MAEL: variants seen among roughly 807,000 people sequenced by gnomAD.
MAEL encodes protein maelstrom homolog.
MAEL carries 46 observed loss-of-function variants against 62.0 expected under a neutral mutation model. The ratio of observed to expected loss-of-function variants is 0.74; its 90% CI spans 0.59 to 0.95. The LOEUF is 0.95. Ranked by LOEUF, MAEL falls within the 40% of genes least tolerant of loss-of-function variation. MAEL has a pLI of 0.00. For missense variants in MAEL, 497 were observed against 526.8 expected, an observed-to-expected ratio of 0.94 and a Z score of 0.55; for synonymous variants, 172 against 175.5, an observed-to-expected ratio of 0.98 and a Z score of 0.16.
At chr1:166,993,706 C>A (rs986608468) in intron 4 of MAEL, among the ~76,000 whole-genome samples, 1 of 152,160 alleles carries the variant, frequency 6.6e-6, no homozygotes, top group Non-Finnish European at 1.5e-5. Context: ...ATACACCTTG[C>A]TGTATCAATG....
chr1:167,020,865 T>A (rs67913138), intron 10 of MAEL, among the ~76,000 whole-genome samples: 60,420 of 150,506 alleles, frequency 0.4, 13,071 homozygotes, highest in African/African-American at 0.59. Flanking sequence ...ATCTCACTTT[T>A]AAAAAAAAAG....
Position 166,994,039 on chromosome 1 carries a change from C to T in MAEL, c.493C>T (p.Arg165Ter), listed in dbSNP as rs772863669. The change falls in exon 5 of 12, where the codon CGA becomes TGA. Residue 165 changes from arginine to a stop codon, truncating the protein, a stop_gained. Transcript: ENST00000367872. LOFTEE classifies it high-confidence loss of function. The part of the protein sequence containing the change: ...HSFINPGEIP[R>*]GFRFHCQAAS... Reference sequence around the variant, plus strand: ...ATTTTGTATTATAGGTGAAATTCCACGAGGATTTCGATTTCATTGTCAGGC... The same window carrying T: ...ATTTTGTATTATAGGTGAAATTCCATGAGGATTTCGATTTCATTGTCAGGC... The T allele has an allele frequency of 4.3e-6, 7 of 1,612,482 alleles. No individual in the cohort carries two copies. Among genetic ancestry groups the T allele is most frequent in the African/African-American group, 1.3e-5 (1 of 74,808 alleles).
At chr1:166,984,477 A>G (rs1233152400), upstream of MAEL, among the ~76,000 whole-genome samples, 1 of 152,242 alleles carries the variant, frequency 6.6e-6, no homozygotes, top group African/African-American at 2.4e-5. Context: ...CGATTTAGCC[A>G]TTCCACAACA....
chr1:167,005,628 CTGA>C (rs1384948143), intron 8 of MAEL: 1 of 352,314 alleles, frequency 2.8e-6, no homozygotes, highest in Non-Finnish European at 5.1e-6. Context: ...AATTTCTATA[CTGA>C]TGAGAGAATA....
At position 167,018,110 on chromosome 1, in the gene MAEL, C is replaced by A. The variant is rs537957313; in HGVS notation, c.1041+151C>A. 116 of 619,122 alleles carry A rather than the reference C, an allele frequency of 1.9e-4. No homozygotes were observed. In the African/African-American group the frequency reaches 2.1e-3, roughly 11 times the overall value. 38.4% of individuals were successfully genotyped at this position (619,122 alleles called of 1,614,324 possible). On this transcript the variant is annotated intron_variant, in intron 10 of 11. Coordinates refer to ENST00000367872, the MANE Select transcript of MAEL (RefSeq NM_032858.3). ...GTACTTCATGGAATGTCAAACAGTT[C>A]CTAATCCAGTTGTGTCTTGTGTAAA...
intron 1 of MAEL, among the ~76,000 whole-genome samples, chr1:166,980,067 A>G (rs922453249): frequency 6.6e-6 from 1 of 152,094 alleles, no homozygotes; most frequent in Non-Finnish European, 1.5e-5. Flanking sequence ...CCCAGACTGG[A>G]CTGCAATGGT....
At chr1:166,982,594 C>T (rs969632944) in intron 1 of MAEL, among the ~76,000 whole-genome samples, 3 of 152,126 alleles carry the variant, frequency 2.0e-5, no homozygotes, top group African/African-American at 7.2e-5. Flanking sequence ...TTTCCAAGAA[C>T]ACTTGTGGTG....
chr1:167,016,552 A>G (rs893146951), intron 9 of MAEL, among the ~76,000 whole-genome samples: 3 of 152,196 alleles, frequency 2.0e-5, no homozygotes, highest in African/African-American at 7.2e-5. Context: ...GTAAGTTAAT[A>G]TAACCACTAT....
chr1:166,981,672 G>A lies in MAEL; in HGVS notation c.-121+6006G>A, dbSNP rs139185646. On this transcript the variant is annotated intron_variant, in intron 1 of 12. Coordinates refer to the MAEL transcript ENST00000622874. ...CTGAGCTAAGCTTTAACATCATCTGGACAGAATTTCTAGGGGCAGAAAGGG... is the reference window on the plus strand; with the variant it reads ...CTGAGCTAAGCTTTAACATCATCTGAACAGAATTTCTAGGGGCAGAAAGGG... Among the ~76,000 whole-genome samples, 138 of 152,240 alleles carry A rather than the reference G, an allele frequency of 9.1e-4. 1 individual carries two copies. The Middle Eastern group carries it at 0.02, about 23-fold the overall frequency.
At chr1:167,006,858 A>C in intron 8 of MAEL, among the ~76,000 whole-genome samples, 1 of 148,858 alleles carries the variant, frequency 6.7e-6, no homozygotes, top group Non-Finnish European at 1.5e-5. Flanking sequence ...CTGATCTTGA[A>C]CTCCTCACCT....
chr1:167,001,626 T>C (rs907633764), intron 5 of MAEL, among the ~76,000 whole-genome samples: 2 of 152,260 alleles, frequency 1.3e-5, no homozygotes, highest in Non-Finnish European at 2.9e-5. Context: ...TGTGACACTT[T>C]ATTTCAATAC....
At chr1:166,985,174 G>C (rs1177679639), upstream of MAEL, among the ~76,000 whole-genome samples, 5 of 152,312 alleles carry the variant, frequency 3.3e-5, no homozygotes, top group Admixed American at 1.3e-4. Flanking sequence ...TGCCTGGAGA[G>C]AGTACCGGAA....
Position 166,992,824 on chromosome 1 carries a change from A to G in MAEL, c.464A>G (p.His155Arg). 5 of 1,597,708 alleles carry G rather than the reference A, an allele frequency of 3.1e-6. No individual in the cohort carries two copies. The highest frequency in any genetic ancestry group is 3.4e-6 in the Non-Finnish European group (4 of 1,175,050). The change falls in exon 4 of 12, where the codon CAC (histidine) becomes CGC (arginine). Residue 155 changes from histidine to arginine, a missense_variant. His to Arg is a conservative substitution (Grantham distance 29). Coordinates refer to ENST00000367872, the MANE Select transcript of MAEL (RefSeq NM_032858.3). ...SLQEGIMADFHSFINPGEIPR... is the reference protein window; with the variant it reads ...SLQEGIMADFRSFINPGEIPR... ...CAAGAAGGTATTATGGCAGATTTCC[A>G]CAGTTTTATAAATCCTGGTAAGTAG...
intron 1 of MAEL, among the ~76,000 whole-genome samples, chr1:166,978,956 A>G (rs1020198953): frequency 1.3e-5 from 2 of 152,214 alleles, no homozygotes; most frequent in African/African-American, 4.8e-5. Context: ...GGGGACTAAC[A>G]GGCTGCTTCA....
rs139037851 is a variant in MAEL at position 166,977,519 on chromosome 1, GTT to G, written c.-121+1855_-121+1856del. Reference sequence around the variant, plus strand: ...TGAATCTGACTCTAAAGCATATACTGTTTGCACCACAAAAAGAACATCTACAC... The same window carrying G: ...TGAATCTGACTCTAAAGCATATACTGTGCACCACAAAAAGAACATCTACAC... On this transcript the variant is annotated intron_variant, in intron 1 of 12. Transcript: ENST00000622874. Among the ~76,000 whole-genome samples, 1,439 of 151,652 alleles carry G rather than the reference GTT, an allele frequency of 9.5e-3. 11 individuals carry two copies. Among genetic ancestry groups the G allele is most frequent in the Admixed American group, 0.014 (210 of 15,262 alleles).
chr1:166,989,207 G>A, upstream of MAEL: 1 of 1,066,164 alleles, frequency 9.4e-7, no homozygotes, highest in Non-Finnish European at 1.3e-6. Context: ...TCCCCCGCGG[G>A]GCAATGCGAC....
intron 5 of MAEL, among the ~76,000 whole-genome samples, chr1:166,996,592 C>T (rs1209510233): frequency 2.0e-5 from 3 of 152,192 alleles, no homozygotes; most frequent in Non-Finnish European, 2.9e-5. Context: ...AAAAATAGCA[C>T]ATTTCCAGTG....
At chr1:167,001,812 C>T (rs964531806) in intron 5 of MAEL, among the ~76,000 whole-genome samples, 5 of 152,230 alleles carry the variant, frequency 3.3e-5, no homozygotes, top group African/African-American at 1.2e-4. Context: ...GACAGAGTCT[C>T]ACTCCATCAC....
intron 8 of MAEL, among the ~76,000 whole-genome samples, chr1:167,009,827 T>A (rs1177533256): frequency 6.6e-6 from 1 of 152,134 alleles, no homozygotes; most frequent in Non-Finnish European, 1.5e-5. Flanking sequence ...TTTAGTTCTT[T>A]TCTGTAATGT....
Sources: allele counts gnomAD v4.1 joint callset (sites outside exome capture counted in the v4.1 genomes callset), GRCh38; gene constraint gnomAD v4.1.1; transcripts MANE v1.5; gene names NCBI Gene and HGNC (gene_info 2026-07-23, HGNC 2026-07-21).